The following ADGRL3 variants were observed in gnomAD, a reference collection of about 807,000 sequenced individuals.
ADGRL3 encodes calcium-independent alpha-latrotoxin receptor 3.
In ADGRL3, 62 loss-of-function variants were observed where a neutral mutation model predicts 153.5. The ratio of observed to expected loss-of-function variants is 0.40; its 90% CI spans 0.33 to 0.50. ADGRL3 has a LOEUF of 0.50. Ranked by LOEUF, ADGRL3 falls within the 20% of genes least tolerant of loss-of-function variation. ADGRL3 has a pLI of 0.47. For missense variants in ADGRL3, 1,641 were observed against 1,859.4 expected, an observed-to-expected ratio of 0.88 and a Z score of 2.16; for synonymous variants, 710 against 672.5, an observed-to-expected ratio of 1.06 and a Z score of -0.86.
intron 2 of ADGRL3, among the ~76,000 whole-genome samples, chr4:61,415,553 T>C (rs1390017409): frequency 6.6e-6 from 1 of 152,054 alleles, no homozygotes; most frequent in Non-Finnish European, 1.5e-5. Flanking sequence ...AAGGTTGAAG[T>C]GCTGGTTTTT....
At chr4:61,432,216 G>A (rs980543680) in intron 2 of ADGRL3, among the ~76,000 whole-genome samples, 1 of 152,132 alleles carries the variant, frequency 6.6e-6, no homozygotes, top group Non-Finnish European at 1.5e-5. Context: ...CAAAAAGCTT[G>A]ATTCTTTAAA....
chr4:61,477,407 T>G (rs2098078142), intron 2 of ADGRL3, among the ~76,000 whole-genome samples: 1 of 151,978 alleles, frequency 6.6e-6, no homozygotes, highest in South Asian at 2.1e-4. Context: ...ACACACAATT[T>G]TATGCAAAAG....
intron 2 of ADGRL3, among the ~76,000 whole-genome samples, chr4:61,400,731 G>A (rs2096919907): frequency 1.3e-5 from 2 of 150,694 alleles, no homozygotes; most frequent in Non-Finnish European, 3.0e-5. Context: ...TGAGTCCTGT[G>A]TGAAGGCATT....
chr4:61,215,327 A>G (rs1446425117), intron 1 of ADGRL3, among the ~76,000 whole-genome samples: 3 of 152,188 alleles, frequency 2.0e-5, no homozygotes, highest in Non-Finnish European at 4.4e-5. Context: ...AGTGAACATG[A>G]AAGCAGTTTT....
At chr4:61,412,536 TTGG>T (rs2152275481) in intron 2 of ADGRL3, among the ~76,000 whole-genome samples, 1 of 152,338 alleles carries the variant, frequency 6.6e-6, no homozygotes, top group Admixed American at 6.5e-5. Context: ...AACTTTGGTG[TTGG>T]TGGTAAAGTG....
chr4:61,356,777 A>C, intron 1 of ADGRL3, among the ~76,000 whole-genome samples: 1 of 152,132 alleles, frequency 6.6e-6, no homozygotes, highest in East Asian at 1.9e-4. Flanking sequence ...AGAAAGGACA[A>C]AGATAAGTGT....
intron 9 of ADGRL3, among the ~76,000 whole-genome samples, chr4:61,827,009 T>C (rs940388666): frequency 6.6e-6 from 1 of 152,156 alleles, no homozygotes; most frequent in South Asian, 2.1e-4. Context: ...ACACTAGTTA[T>C]AGTCCCGTGG....
chr4:61,981,837 A>C (rs915535544), intron 18 of ADGRL3, among the ~76,000 whole-genome samples: 5 of 152,194 alleles, frequency 3.3e-5, no homozygotes, highest in African/African-American at 1.2e-4. Context: ...ATAAAAATGC[A>C]GTTGGATTCA....
intron 2 of ADGRL3, among the ~76,000 whole-genome samples, chr4:61,489,112 T>C (rs1456807034): frequency 6.6e-6 from 1 of 152,024 alleles, no homozygotes; most frequent in African/African-American, 2.4e-5. Context: ...TTATAGCTTC[T>C]TATATATATT....
chr4:61,207,029 A>G (rs1352397700), intron 1 of ADGRL3, among the ~76,000 whole-genome samples: 2 of 151,676 alleles, frequency 1.3e-5, no homozygotes, highest in Non-Finnish European at 2.9e-5. Context: ...TAAAAACATG[A>G]AGTCACTTTA....
intron 2 of ADGRL3, among the ~76,000 whole-genome samples, chr4:61,390,241 G>C (rs1159016082): frequency 6.6e-6 from 1 of 151,748 alleles, no homozygotes; most frequent in Admixed American, 6.6e-5. Flanking sequence ...TTATTTTTAT[G>C]GCTAAACCCT....
intron 3 of ADGRL3, among the ~76,000 whole-genome samples, chr4:61,501,279 T>C (rs1225686221): frequency 6.6e-6 from 1 of 152,220 alleles, no homozygotes; most frequent in East Asian, 1.9e-4. Context: ...CCTAAAAATG[T>C]GTAGCTTAAT....
intron 1 of ADGRL3, among the ~76,000 whole-genome samples, chr4:61,207,699 C>T (rs187359469): frequency 2.0e-5 from 3 of 152,324 alleles, no homozygotes; most frequent in African/African-American, 7.2e-5. Flanking sequence ...TCCATATCCT[C>T]TCCAGCACCT....
intron 1 of ADGRL3, among the ~76,000 whole-genome samples, chr4:61,221,006 G>T (rs1184531139): frequency 6.6e-6 from 1 of 152,016 alleles, no homozygotes; most frequent in African/African-American, 2.4e-5. Context: ...ATTTTCCCCT[G>T]AATCAATTAT....
chr4:61,681,232 A>G (rs1187948867), intron 6 of ADGRL3, among the ~76,000 whole-genome samples: 1 of 152,126 alleles, frequency 6.6e-6, no homozygotes, highest in African/African-American at 2.4e-5. Flanking sequence ...CAATAAAACA[A>G]CTAACCACCT....
chr4:61,599,646 T>G (rs1392987171), intron 5 of ADGRL3, among the ~76,000 whole-genome samples: 4 of 152,248 alleles, frequency 2.6e-5, no homozygotes, highest in East Asian at 1.9e-4. Context: ...ATAATTTCTT[T>G]ATGGTCAGTT....
At chr4:61,844,546 C>CAAAAAAAAAAAAAAAA (rs71604517) in intron 9 of ADGRL3, among the ~76,000 whole-genome samples, 3 of 17,548 alleles carry the variant, frequency 1.7e-4, no homozygotes, top group African/African-American at 3.2e-4. Context: ...GACTGCATCT[C>CAAAAAAAAAAAAAAAA]AAAAAAAAAA....
At chr4:62,011,062 G>T (rs72640022) in intron 21 of ADGRL3, among the ~76,000 whole-genome samples, 3 of 151,812 alleles carry the variant, frequency 2.0e-5, no homozygotes, top group East Asian at 3.9e-4. Flanking sequence ...TTATTTTAGC[G>T]TAGTTTCAGC....
chr4:61,627,874 C>G (rs1327517794), intron 5 of ADGRL3, among the ~76,000 whole-genome samples: 1 of 151,938 alleles, frequency 6.6e-6, no homozygotes, highest in Non-Finnish European at 1.5e-5. Context: ...TTATCTGAGT[C>G]ACTGTCATAT....
Sources: gnomAD v4.1 joint callset for allele counts (sites outside exome capture counted in the v4.1 genomes callset) on GRCh38, gnomAD v4.1.1 for gene constraint, MANE v1.5 for transcripts, NCBI Gene and HGNC (gene_info 2026-07-23, HGNC 2026-07-21) for gene names.